Variants in DNAJC16 observed in about 807,000 individuals in gnomAD.
The protein encoded by DNAJC16 is dnaJ homolog subfamily C member 16.
In DNAJC16, 76 loss-of-function variants were observed where a neutral mutation model predicts 92.7. The ratio of observed to expected loss-of-function variants is 0.82; its 90% confidence interval spans 0.68 to 0.99. DNAJC16 has a LOEUF of 0.99. DNAJC16 is among the 50% of genes least tolerant of loss of function. The pLI is 0.00. For missense variants in DNAJC16, 869 were observed against 942.4 expected (o/e 0.92, Z 1.02); for synonymous variants, 328 against 358.7 (o/e 0.91, Z 0.97).
intron 13 of DNAJC16, 58 bp from the exon 14 acceptor site, chr1:15,567,041 A>T (rs1302166008): frequency 6.6e-7 from 1 of 1,519,192 alleles, no homozygotes; most frequent in East Asian, 2.3e-5. Context: ...TTTCTTTTCA[A>T]AGTAACGGCT....
rs139610434 is a variant in DNAJC16, at chr1:15,562,238, G to A, written c.1251G>A (p.Val417=). The A allele has an allele frequency of 1.7e-5, 28 of 1,614,038 alleles. No homozygotes were observed. Among genetic ancestry groups the A allele is most frequent in the Non-Finnish European group, 2.3e-5 (27 of 1,179,994 alleles). Residue 417 remains valine, a synonymous_variant, in exon 9 of 15, where the codon GTG becomes GTA. Transcript: ENST00000375847. The stretch of plus-strand genomic sequence containing the variant: ...CCCTGGCAAACACTCAAGACACAGT[G>A]AGATTTGTGCATGTCTACAGCAATC... ...SFALANTQDT[V]RFVHVYSNRQ... is the part of the protein sequence containing the mutation.
At chr1:15,544,253 C>A (rs1340310201) in intron 4 of DNAJC16, 146 bp from the exon 5 acceptor site, 3 of 728,650 alleles carry the variant, frequency 4.1e-6, no homozygotes, top group African/African-American at 1.8e-5. Context: ...AGAATTCCAG[C>A]AGTGAAAGAA....
chr1:15,546,001 C>T lies in DNAJC16; in HGVS notation c.760-766C>T, dbSNP rs1011301598. Reference sequence around the variant, plus strand: ...GGGTGGACCAGCTTATTTTTATTTACGCCGTTTAAAAAGAGCAAGCTGGCC... The same window carrying T: ...GGGTGGACCAGCTTATTTTTATTTATGCCGTTTAAAAAGAGCAAGCTGGCC... On this transcript the variant is annotated intron_variant, in intron 5 of 14. Transcript: ENST00000375847. Among the ~76,000 whole-genome samples, 6 of 152,036 alleles carry T rather than the reference C, an allele frequency of 3.9e-5. No homozygotes were observed. In the East Asian group the frequency reaches 7.7e-4, roughly 20 times the overall value.
In DNAJC16 at chr1:15,568,166, G is replaced by C. The variant is rs2103430603; in HGVS notation, c.2338G>C (p.Glu780Gln). The part of the protein sequence containing the change: ...LQRFYIPSWP[E>Q]LD ...GAGGTTTTATATCCCATCATGGCCT[G>C]AACTAGACTGAGAGGATTTTCCAAA... is the stretch of plus-strand genomic sequence containing the variant. The change falls in exon 15 of 15, where the codon GAA becomes CAA. Residue 780 changes from glutamate to glutamine, a missense_variant. Coordinates refer to ENST00000375847, the MANE Select transcript of DNAJC16 (RefSeq NM_015291.4). 6.2e-7 allele frequency: 1 copy of C among 1,603,686 alleles called. No individual in the cohort carries two copies.
In DNAJC16 at chr1:15,568,631, ACT is replaced by A. The variant is rs542947846; in HGVS notation, c.*457_*458del. The A allele has an allele frequency of 6.5e-5, 26 of 401,710 alleles. 1 individual carries two copies. In the South Asian group the frequency reaches 3.1e-3, roughly 48 times the overall value. 24.9% of individuals were successfully genotyped at this position (401,710 alleles called of 1,614,324 possible). On this transcript the variant is annotated 3_prime_UTR_variant, in exon 15 of 15. Transcript: ENST00000375847. ...GCTGCTGCCATGGCGCATGCTCCTAACTCTGAACAACCCACGGCAGCTTCTAG... is the reference window on the plus strand; with the variant it reads ...GCTGCTGCCATGGCGCATGCTCCTAACTGAACAACCCACGGCAGCTTCTAG...
At chr1:15,538,861 C>T (rs1181646202) in intron 4 of DNAJC16, among the ~76,000 whole-genome samples, 2 of 152,186 alleles carry the variant, frequency 1.3e-5, no homozygotes, top group Non-Finnish European at 2.9e-5. Context: ...GATTTTGTTT[C>T]ATTTCACGTT....
At chr1:15,528,205 G>C (rs539440691) in intron 1 of DNAJC16, among the ~76,000 whole-genome samples, 3 of 152,210 alleles carry the variant, frequency 2.0e-5, no homozygotes, top group Non-Finnish European at 4.4e-5. Context: ...GGCCGAGGCG[G>C]GTGGATCACC....
chr1:15,562,369 T>G, intron 9 of DNAJC16, 44 bp downstream of exon 9: 1 of 1,526,332 alleles, frequency 6.6e-7, no homozygotes. Context: ...TTCATAACCA[T>G]GTGGCACTTG....
intron 4 of DNAJC16, among the ~76,000 whole-genome samples, chr1:15,537,349 C>T (rs1031759481): frequency 5.3e-5 from 8 of 152,126 alleles, no homozygotes; most frequent in Non-Finnish European, 1.5e-5. Context: ...GTAAAAGCAT[C>T]CAGTGTTTAA....
At chr1:15,539,242 TA>T (rs1402209202) in intron 4 of DNAJC16, among the ~76,000 whole-genome samples, 2 of 133,728 alleles carry the variant, frequency 1.5e-5, no homozygotes, top group African/African-American at 6.6e-5. Flanking sequence ...CTTTTTATTT[TA>T]TTTTTTTTTT....
At chr1:15,552,630 T>C (rs1031022103) in intron 7 of DNAJC16, among the ~76,000 whole-genome samples, 4 of 152,034 alleles carry the variant, frequency 2.6e-5, no homozygotes, top group Admixed American at 2.6e-4. Context: ...TTCTTCTTTT[T>C]TTTATTTTAA....
intron 4 of DNAJC16, among the ~76,000 whole-genome samples, chr1:15,540,142 G>A (rs1710899020): frequency 6.6e-6 from 1 of 151,968 alleles, no homozygotes; most frequent in Admixed American, 6.6e-5. Context: ...CCTGACCAAT[G>A]TGGTAAAATC....
chr1:15,548,759 T>G (rs945840164), intron 7 of DNAJC16, among the ~76,000 whole-genome samples: 2 of 152,152 alleles, frequency 1.3e-5, no homozygotes, highest in Admixed American at 6.5e-5. Context: ...GATGAATATT[T>G]ATCTGATCTT....
chr1:15,562,551 T>C (rs1348293614), intron 9 of DNAJC16, among the ~76,000 whole-genome samples: 2 of 151,624 alleles, frequency 1.3e-5, no homozygotes, highest in Non-Finnish European at 2.9e-5. Context: ...AGTGACATGA[T>C]CTCAGCTCAT....
chr1:15,548,416 C>T lies in DNAJC16; in HGVS notation c.1011C>T (p.Ala337=), dbSNP rs566511797. ...LVFKEHINRP[A]DVIQARGMKK... ...TTAAAGAACATATAAACAGGCCTGC[C>T]GATGTTATCCAGGTACGTGAGGGTC... The change falls in exon 7 of 15, where the codon GCC becomes GCT. Residue 337 remains alanine, a synonymous_variant. Transcript: ENST00000375847. 1.3e-4 allele frequency: 211 copies of T among 1,611,338 alleles called. No homozygotes were observed. Among genetic ancestry groups the T allele is most frequent in the South Asian group, 2.9e-4 (26 of 90,500 alleles).
chr1:15,568,209 G>A lies in DNAJC16; in HGVS notation c.*32G>A, dbSNP rs1278836769. On this transcript the variant is annotated 3_prime_UTR_variant, in exon 15 of 15. Coordinates refer to ENST00000375847, the MANE Select transcript of DNAJC16 (RefSeq NM_015291.4). Reference sequence around the variant, plus strand: ...TTTCCAAAGAGATTTGAACTCTTCAGACTTTTTAACATGCCCCTGTGAACA... The same window carrying A: ...TTTCCAAAGAGATTTGAACTCTTCAAACTTTTTAACATGCCCCTGTGAACA... 4 of 1,563,394 alleles carry A rather than the reference G, an allele frequency of 2.6e-6. No individual in the cohort carries two copies. In the African/African-American group the frequency reaches 5.5e-5, roughly 21 times the overall value.
At position 15,559,623 on chromosome 1, in the gene DNAJC16, TCTGCC is replaced by T; in HGVS notation, c.1125_1129del (p.Pro376GlufsTer17). 6.2e-7 allele frequency: 1 copy of T among 1,614,198 alleles called. No individual in the cohort carries two copies. Among genetic ancestry groups the T allele is most frequent in the Non-Finnish European group, 8.5e-7 (1 of 1,180,032 alleles). ...ACCAGCCAGAAGTTGTTCCATGAAC[TCTGCC>T]CTGTGAAACGGTCGCATCGACAGAG... On this transcript the variant is annotated frameshift_variant, in exon 8 of 15. Transcript: ENST00000375847. LOFTEE classifies it high-confidence loss of function.
chr1:15,559,638 G>A lies in DNAJC16; in HGVS notation c.1136G>A (p.Arg379Gln), dbSNP rs1239630825. Residue 379 changes from arginine (R) to glutamine (Q), a missense_variant, in exon 8 of 15, where the codon CGG becomes CAG. Physicochemically the swap from Arg to Gln is conservative, Grantham distance 43. Transcript: ENST00000375847. ...KLFHELCPVK[R>Q]SHRQRKYCVV... ...TTCCATGAACTCTGCCCTGTGAAAC[G>A]GTCGCATCGACAGAGGAAGTAAGGA... The A allele has an allele frequency of 2.5e-6, 4 of 1,614,030 alleles. No homozygotes were observed. The highest frequency in any genetic ancestry group is 3.3e-5 in the Admixed American group (2 of 59,996).
intron 1 of DNAJC16, 25 bp from the exon 2 acceptor site, chr1:15,529,063 C>G: frequency 1.2e-6 from 2 of 1,604,540 alleles, no homozygotes; most frequent in Non-Finnish European, 1.7e-6. Flanking sequence ...GCCACTGAAA[C>G]TCATTGCCTC....
Sources: gnomAD v4.1 joint callset for allele counts (sites outside exome capture counted in the v4.1 genomes callset) on GRCh38, gnomAD v4.1.1 for gene constraint, MANE v1.5 for transcripts, NCBI Gene and HGNC (gene_info 2026-07-23, HGNC 2026-07-21) for gene names.